Variants in CLIP2 observed in about 807,000 individuals in gnomAD.
The protein encoded by CLIP2 is CAP-Gly domain containing linker protein 2.
CLIP2 carries 41 observed loss-of-function variants against 111.7 expected under a neutral mutation model. The ratio of observed to expected loss-of-function variants is 0.37; its 90% CI spans 0.29 to 0.48. CLIP2 has a LOEUF of 0.48. CLIP2 is among the 20% of genes least tolerant of loss of function. The pLI is 0.99. For missense variants in CLIP2, 1,160 were observed against 1,422.1 expected, an observed-to-expected ratio of 0.82 and a Z score of 2.96; for synonymous variants, 660 against 644.2, an observed-to-expected ratio of 1.02 and a Z score of -0.37.
At chr7:74,302,638 G>T (rs771741100) in intron 1 of CLIP2, among the ~76,000 whole-genome samples, 1 of 152,230 alleles carries the variant, frequency 6.6e-6, no homozygotes, top group East Asian at 1.9e-4. Context: ...TTTGACTGGG[G>T]CACTTGGCCT....
chr7:74,345,306 C>T (rs1377394550), intron 3 of CLIP2, among the ~76,000 whole-genome samples: 1 of 151,998 alleles, frequency 6.6e-6, no homozygotes, highest in Non-Finnish European at 1.5e-5. Flanking sequence ...GCGATCTCGA[C>T]TAACTGAAAA....
At chr7:74,353,245 C>T (rs1744037794) in intron 3 of CLIP2, among the ~76,000 whole-genome samples, 2 of 150,926 alleles carry the variant, frequency 1.3e-5, no homozygotes, top group South Asian at 2.1e-4. Flanking sequence ...TTAATTCTCA[C>T]GAAAACCCTT....
At chr7:74,353,368 A>G (rs1260960568) in intron 3 of CLIP2, among the ~76,000 whole-genome samples, 1 of 150,940 alleles carries the variant, frequency 6.6e-6, no homozygotes, top group Non-Finnish European at 1.5e-5. Context: ...CTTCTGCCTC[A>G]GCCTCCCGAG....
At chr7:74,375,837 T>TCTAGCCAG (rs1562718168) in intron 9 of CLIP2, 50 bp from the exon 10 acceptor site, 3 of 1,444,782 alleles carry the variant, frequency 2.1e-6, no homozygotes, top group African/African-American at 2.9e-5. Flanking sequence ...CTCCTTACCT[T>TCTAGCCAG]CCAGCCAGCC....
At chr7:74,353,297 C>G (rs1790061085) in intron 3 of CLIP2, among the ~76,000 whole-genome samples, 1 of 150,296 alleles carries the variant, frequency 6.7e-6, no homozygotes. Context: ...GTTGCCCAGG[C>G]TGGAGTGCAC....
At chr7:74,349,553 G>A (rs1554307132) in intron 3 of CLIP2, among the ~76,000 whole-genome samples, 1 of 139,848 alleles carries the variant, frequency 7.2e-6, no homozygotes, top group Non-Finnish European at 1.5e-5. Context: ...GATACCTGCT[G>A]CAATATGATT....
chr7:74,324,239 G>A (rs1274935764), intron 2 of CLIP2, among the ~76,000 whole-genome samples: 1 of 152,118 alleles, frequency 6.6e-6, no homozygotes, highest in African/African-American at 2.4e-5. Context: ...TGATCCTCCC[G>A]CCTCGGCCTC....
Position 74,338,174 on chromosome 7 carries a change from T to C in CLIP2, c.122-274T>C, listed in dbSNP as rs1429734440. ...CCACCATATCGCCAATGCACTCTAGTCTGGGTGACAGAGCAAGACCCTGTC... is the reference window on the plus strand; with the variant it reads ...CCACCATATCGCCAATGCACTCTAGCCTGGGTGACAGAGCAAGACCCTGTC... On this transcript the variant is annotated intron_variant, in intron 2 of 16. Transcript: ENST00000223398. This position sits in a 1 kb window ranked among gnomAD's most constrained non-coding sequence, Gnocchi z 4.3. Among the ~76,000 whole-genome samples, 2 of 151,394 alleles carry C rather than the reference T, an allele frequency of 1.3e-5. No individual in the cohort carries two copies. Among genetic ancestry groups the C allele is most frequent in the African/African-American group, 2.4e-5 (1 of 41,304 alleles).
Position 74,330,556 on chromosome 7 carries a change from C to T in CLIP2, c.122-7892C>T, listed in dbSNP as rs143204270. ...ACAGGTGTGAGCCACCACACCCAGCCGGTGTTTCTTAATTGATTCATTTTT... is the reference window on the plus strand; with the variant it reads ...ACAGGTGTGAGCCACCACACCCAGCTGGTGTTTCTTAATTGATTCATTTTT... On this transcript the variant is annotated intron_variant, in intron 2 of 16. Transcript: ENST00000223398. Among the ~76,000 whole-genome samples, 889 of 152,166 alleles carry T rather than the reference C, an allele frequency of 5.8e-3. 9 individuals are homozygous for T. The highest frequency in any genetic ancestry group is 0.02 in the African/African-American group (831 of 41,542).
chr7:74,388,111 C>T (rs1791170058), intron 12 of CLIP2, among the ~76,000 whole-genome samples: 1 of 152,042 alleles, frequency 6.6e-6, no homozygotes. Flanking sequence ...GGGTAGATCA[C>T]CTGAGGTCAG....
intron 7 of CLIP2, among the ~76,000 whole-genome samples, chr7:74,362,821 C>T (rs1554310052): frequency 6.6e-6 from 1 of 152,104 alleles, no homozygotes; most frequent in Non-Finnish European, 1.5e-5. Context: ...AGGCAGGAGC[C>T]ACTGTGCTCA....
At chr7:74,328,708 C>T (rs1323297251) in intron 2 of CLIP2, among the ~76,000 whole-genome samples, 1 of 152,028 alleles carries the variant, frequency 6.6e-6, no homozygotes, top group African/African-American at 2.4e-5. Flanking sequence ...TGGAGCTTTG[C>T]CTGAAACAGC....
chr7:74,369,591 T>C (rs931170730), intron 8 of CLIP2, among the ~76,000 whole-genome samples: 2 of 151,712 alleles, frequency 1.3e-5, no homozygotes, highest in African/African-American at 4.8e-5. Context: ...GTGCGGTGGC[T>C]CACACCTGTA....
At chr7:74,352,213 T>C (rs1790023864) in intron 3 of CLIP2, among the ~76,000 whole-genome samples, 1 of 152,044 alleles carries the variant, frequency 6.6e-6, no homozygotes, top group South Asian at 2.1e-4. Flanking sequence ...GGCAGGTGAA[T>C]CACTTGAGGT....
At chr7:74,382,558 C>T (rs982234215) in intron 11 of CLIP2, among the ~76,000 whole-genome samples, 2 of 150,370 alleles carry the variant, frequency 1.3e-5, no homozygotes, top group African/African-American at 2.4e-5. Flanking sequence ...ATGATCCTCC[C>T]GCCTTGGTCT....
intron 10 of CLIP2, among the ~76,000 whole-genome samples, chr7:74,379,388 G>A (rs904780819): frequency 3.3e-5 from 5 of 151,724 alleles, no homozygotes; most frequent in Middle Eastern, 3.4e-3. Flanking sequence ...TAGTCTAAAC[G>A]CATATGTCCC....
chr7:74,364,154 G>T, intron 7 of CLIP2, 101 bp from the exon 8 acceptor site: 1 of 1,044,334 alleles, frequency 9.6e-7, no homozygotes. Context: ...TCTGGATTCT[G>T]GGCCATTCTC....
At chr7:74,403,770 C>G (rs1315314058) in intron 16 of CLIP2, 67 bp from the exon 17 acceptor site, 4 of 1,578,924 alleles carry the variant, frequency 2.5e-6, no homozygotes, top group Non-Finnish European at 2.6e-6. Flanking sequence ...TCCCTGACTC[C>G]CCTCTGGCCG....
chr7:74,334,611 A>C (rs1377250787), intron 2 of CLIP2, among the ~76,000 whole-genome samples: 1 of 152,142 alleles, frequency 6.6e-6, no homozygotes, highest in African/African-American at 2.4e-5. Context: ...CTCTCTCTGC[A>C]TAGGAAAGTG....
Sources: gnomAD v4.1 joint callset for allele counts (sites outside exome capture counted in the v4.1 genomes callset) on GRCh38, gnomAD v4.1.1 for gene constraint, Gnocchi (gnomAD v3.1) non-coding constraint, MANE v1.5 for transcripts, NCBI Gene and HGNC (gene_info 2026-07-23, HGNC 2026-07-21) for gene names.